The following ATP2C2 variants were observed in gnomAD, a reference collection of about 807,000 sequenced individuals.
ATP2C2 encodes the protein ATPase secretory pathway Ca2+ transporting 2.
Under a neutral mutation model 110.8 loss-of-function variants are expected in ATP2C2, and 171 were observed. The observed-to-expected ratio is 1.54, with a 90% confidence interval of 1.36 to 1.75. The LOEUF is 1.75. ATP2C2 is among the 40% of genes most tolerant of loss of function. The pLI is 0.00. For synonymous variants in ATP2C2, 804 were observed against 508.4 expected (o/e 1.58, Z -7.82); for missense variants, 1,963 against 1,235.0 (o/e 1.59, Z -8.84).
chr16:84,450,278 G>A (rs780864787), intron 17 of ATP2C2, among the ~76,000 whole-genome samples: 8 of 152,184 alleles, frequency 5.3e-5, no homozygotes, highest in Non-Finnish European at 1.2e-4. Context: ...TTTAGTCTGG[G>A]ATGTTATTCC....
chr16:84,449,296 G>C (rs1910040405), intron 17 of ATP2C2, among the ~76,000 whole-genome samples: 1 of 152,348 alleles, frequency 6.6e-6, no homozygotes, highest in African/African-American at 2.4e-5. Flanking sequence ...TTGCTGGCAG[G>C]CTTGCTCAGA....
chr16:84,461,327 C>T (rs868205846), intron 24 of ATP2C2: 2 of 317,908 alleles, frequency 6.3e-6, no homozygotes, highest in South Asian at 4.4e-5. Context: ...TGGCCGGGTA[C>T]CCTGCCTCCA....
At chr16:84,397,653 G>GAAAAAAAAAAAAAAAAA in intron 1 of ATP2C2, among the ~76,000 whole-genome samples, 1 of 3,800 alleles carries the variant, frequency 2.6e-4, no homozygotes, top group Non-Finnish European at 1.0e-3. Context: ...CAGCCTGGGT[G>GAAAAAAAAAAAAAAAAA]ACAAAAAAAA....
At chr16:84,460,194 G>A (rs1238690410) in intron 23 of ATP2C2, 5 of 212,066 alleles carry the variant, frequency 2.4e-5, no homozygotes, top group Admixed American at 1.1e-4. Context: ...GTGTCTGAGC[G>A]GCAGGGCCTC....
intron 1 of ATP2C2, among the ~76,000 whole-genome samples, chr16:84,383,892 C>G (rs779379458): frequency 2.0e-5 from 3 of 149,942 alleles, no homozygotes; most frequent in Non-Finnish European, 4.4e-5. Flanking sequence ...CAGGCTCAAG[C>G]GATCCTCCAA....
chr16:84,438,276 A>C (rs1908922504), intron 11 of ATP2C2, among the ~76,000 whole-genome samples: 1 of 152,042 alleles, frequency 6.6e-6, no homozygotes, highest in African/African-American at 2.4e-5. Context: ...ACTTGCAAAC[A>C]CTCTTGCCCT....
intron 1 of ATP2C2, among the ~76,000 whole-genome samples, chr16:84,390,203 G>A (rs768913630): frequency 6.6e-6 from 1 of 152,236 alleles, no homozygotes; most frequent in Non-Finnish European, 1.5e-5. Context: ...GTCCAAGTTC[G>A]CAATGAACCG....
chr16:84,442,901 G>C (rs1275168327), intron 15 of ATP2C2, among the ~76,000 whole-genome samples: 1 of 152,148 alleles, frequency 6.6e-6, no homozygotes, highest in Non-Finnish European at 1.5e-5. Context: ...AGTGGAACGA[G>C]ACTCCCTATG....
At chr16:84,429,571 G>A (rs531401061) in intron 11 of ATP2C2, among the ~76,000 whole-genome samples, 1 of 152,164 alleles carries the variant, frequency 6.6e-6, no homozygotes, top group African/African-American at 2.4e-5. Context: ...TGTTGGGATT[G>A]GGGGAGGTTG....
At chr16:84,451,288 G>C (rs1487140012) in intron 17 of ATP2C2, among the ~76,000 whole-genome samples, 1 of 152,046 alleles carries the variant, frequency 6.6e-6, no homozygotes, top group East Asian at 1.9e-4. Context: ...TCTCCCACTG[G>C]GTCCCTCCCA....
chr16:84,454,201 C>A (rs1450598471), intron 20 of ATP2C2, among the ~76,000 whole-genome samples: 2 of 152,146 alleles, frequency 1.3e-5, no homozygotes, highest in Non-Finnish European at 2.9e-5. Flanking sequence ...TCAGCTGATT[C>A]ACAGGGTTGG....
chr16:84,411,644 G>A (rs1306394070), intron 6 of ATP2C2, among the ~76,000 whole-genome samples: 3 of 152,288 alleles, frequency 2.0e-5, no homozygotes, highest in South Asian at 4.2e-4. Context: ...GTTTCGCCAC[G>A]TTGGCTAGGC....
chr16:84,424,576 C>CCTTTTTTTTTTTT (rs1907634328), intron 10 of ATP2C2, among the ~76,000 whole-genome samples: 1 of 114,870 alleles, frequency 8.7e-6, no homozygotes, highest in African/African-American at 4.0e-5. Flanking sequence ...CCGCACTGGG[C>CCTTTTTTTTTTTT]TTTTTTTTTT....
intron 23 of ATP2C2, chr16:84,459,953 G>A (rs914087576): frequency 9.8e-5 from 26 of 265,766 alleles, no homozygotes; most frequent in Middle Eastern, 1.3e-3. Context: ...GCCAAGTGGT[G>A]TGGGGGAAGG....
intron 14 of ATP2C2, 100 bp from the exon 15 acceptor site, chr16:84,442,410 G>A (rs1232473878): frequency 1.8e-6 from 2 of 1,097,784 alleles, no homozygotes; most frequent in South Asian, 1.3e-5. Flanking sequence ...AGCAAGTCTT[G>A]TCCCCACAAC....
At chr16:84,403,242 A>G (rs1449236783) in intron 2 of ATP2C2, among the ~76,000 whole-genome samples, 2 of 152,118 alleles carry the variant, frequency 1.3e-5, no homozygotes, top group African/African-American at 4.8e-5. Flanking sequence ...TTGTTTCTTA[A>G]GACAGGCCTA....
intron 2 of ATP2C2, among the ~76,000 whole-genome samples, chr16:84,399,216 G>A (rs1473130406): frequency 6.6e-6 from 1 of 152,128 alleles, no homozygotes; most frequent in Non-Finnish European, 1.5e-5. Flanking sequence ...AAAGCCCCCA[G>A]GAAAAGGGCA....
chr16:84,415,668 C>A, intron 7 of ATP2C2, 77 bp downstream of exon 7: 1 of 1,172,678 alleles, frequency 8.5e-7, no homozygotes, highest in Non-Finnish European at 1.2e-6. Context: ...TAATTGTAGG[C>A]ATGTATAGTC....
At chr16:84,408,146 C>G (rs548418894) in intron 3 of ATP2C2, among the ~76,000 whole-genome samples, 1 of 152,158 alleles carries the variant, frequency 6.6e-6, no homozygotes, top group Non-Finnish European at 1.5e-5. Flanking sequence ...AGAGGCGAGA[C>G]CAAGAACTCA....
Sources: allele counts gnomAD v4.1 joint callset (sites outside exome capture counted in the v4.1 genomes callset), GRCh38; gene constraint gnomAD v4.1.1; transcripts MANE v1.5; gene names NCBI Gene and HGNC (gene_info 2026-07-23, HGNC 2026-07-21).